The following LRRTM4 variants were observed in gnomAD, a reference collection of about 807,000 sequenced individuals.
LRRTM4 encodes the protein leucine rich repeat transmembrane neuronal 4, also known as leucine-rich repeat transmembrane neuronal protein 4.
LRRTM4 carries 25 observed loss-of-function variants against 47.6 expected under a neutral mutation model. The ratio of observed to expected loss-of-function variants is 0.53; its 90% CI spans 0.38 to 0.73. The LOEUF (loss-of-function observed/expected upper bound fraction) is 0.73, where lower values mean the gene tolerates loss of function less well. Among genes scored for constraint, LRRTM4 ranks in the 30% least tolerant of loss-of-function variants. LRRTM4 has a pLI of 0.00. For synonymous variants in LRRTM4, 311 were observed against 269.5 expected (o/e 1.15, Z -1.51); for missense variants, 638 against 713.4 (o/e 0.89, Z 1.20).
intron 3 of LRRTM4, among the ~76,000 whole-genome samples, chr2:77,479,238 C>T (rs1407208189): frequency 6.6e-6 from 1 of 151,978 alleles, no homozygotes; most frequent in Non-Finnish European, 1.5e-5. Context: ...GTTTCCTAAG[C>T]AATTTAGTTT....
chr2:77,175,423 G>GGCTT (rs1289390534), intron 3 of LRRTM4, among the ~76,000 whole-genome samples: 2 of 152,082 alleles, frequency 1.3e-5, no homozygotes, highest in African/African-American at 2.4e-5. Context: ...AATCCCTCTT[G>GGCTT]GCTTGGATAG....
rs566605557 is a variant in LRRTM4, at chr2:76,802,614, C to G, written c.1552-53698G>C. ...TCACATAATAGGAAACAGAATTGTA[C>G]AATTTATATGGAACCCTAGAAGATC... On this transcript the variant is annotated intron_variant, in intron 3 of 3. Coordinates refer to ENST00000409884, the MANE Select transcript of LRRTM4 (RefSeq NM_001134745.3). 6.6e-5 allele frequency among the ~76,000 whole-genome samples: 10 copies of G among 152,056 alleles called. No individual in the cohort carries two copies. In the East Asian group the frequency reaches 1.9e-3, roughly 29 times the overall value.
intron 3 of LRRTM4, among the ~76,000 whole-genome samples, chr2:76,795,000 A>T (rs1406854595): frequency 1.3e-5 from 2 of 152,212 alleles, no homozygotes; most frequent in Non-Finnish European, 2.9e-5. Context: ...AAAAGCTATA[A>T]AGAAAAATAT....
intron 3 of LRRTM4, among the ~76,000 whole-genome samples, chr2:76,999,864 C>T (rs1677350072): frequency 6.6e-6 from 1 of 152,110 alleles, no homozygotes; most frequent in Non-Finnish European, 1.5e-5. Context: ...ACTGCTTCAA[C>T]ACACCATTTT....
At chr2:76,891,295 TC>T (rs2103713684) in intron 3 of LRRTM4, among the ~76,000 whole-genome samples, 1 of 151,906 alleles carries the variant, frequency 6.6e-6, no homozygotes, top group South Asian at 2.1e-4. Context: ...AATCACCCGC[TC>T]CTCCTAAAAA....
At chr2:76,900,239 C>A (rs952297500) in intron 3 of LRRTM4, among the ~76,000 whole-genome samples, 9 of 151,862 alleles carry the variant, frequency 5.9e-5, no homozygotes, top group African/African-American at 1.9e-4. Flanking sequence ...GTCTCAAAAA[C>A]TAATTGAAAA....
chr2:77,214,023 C>T (rs1296495817), intron 3 of LRRTM4, among the ~76,000 whole-genome samples: 1 of 151,966 alleles, frequency 6.6e-6, no homozygotes, highest in African/African-American at 2.4e-5. Context: ...ATTAGGGACT[C>T]ACAGTTCTCC....
At chr2:76,948,979 CA>C (rs1675412726) in intron 3 of LRRTM4, among the ~76,000 whole-genome samples, 1 of 151,786 alleles carries the variant, frequency 6.6e-6, no homozygotes, top group Admixed American at 6.6e-5. Flanking sequence ...TATGTCTTTA[CA>C]AAAGCCATAT....
intron 3 of LRRTM4, among the ~76,000 whole-genome samples, chr2:77,265,208 CTTTA>C (rs1558660045): frequency 1.3e-5 from 2 of 152,024 alleles, no homozygotes; most frequent in South Asian, 2.1e-4. Context: ...ATTTTAACTA[CTTTA>C]TTTATCATAT....
chr2:77,466,495 TC>T (rs1359396237), intron 3 of LRRTM4, among the ~76,000 whole-genome samples: 4 of 152,196 alleles, frequency 2.6e-5, no homozygotes, highest in Non-Finnish European at 5.9e-5. Flanking sequence ...AACAATTTCA[TC>T]CATCTACTAG....
chr2:76,805,924 A>G (rs889747744), intron 3 of LRRTM4, among the ~76,000 whole-genome samples: 1 of 151,962 alleles, frequency 6.6e-6, no homozygotes, highest in East Asian at 1.9e-4. Flanking sequence ...ATCTTTCTCT[A>G]TCTCTGTTAT....
chr2:77,467,909 TTG>T (rs1253887033), intron 3 of LRRTM4, among the ~76,000 whole-genome samples: 1 of 152,198 alleles, frequency 6.6e-6, no homozygotes, highest in African/African-American at 2.4e-5. Context: ...ATTTATTGAT[TTG>T]TCTTTTTTCC....
intron 3 of LRRTM4, among the ~76,000 whole-genome samples, chr2:76,912,434 A>C (rs1238136857): frequency 6.6e-6 from 1 of 152,218 alleles, no homozygotes; most frequent in Non-Finnish European, 1.5e-5. Context: ...GTGCTTGGAT[A>C]AGTCTCATTA....
At chr2:77,073,439 T>C (rs1477107805) in intron 3 of LRRTM4, among the ~76,000 whole-genome samples, 2 of 152,038 alleles carry the variant, frequency 1.3e-5, no homozygotes. Context: ...AGGAATTATA[T>C]AGCATTTCCA....
At chr2:77,200,405 T>C (rs1673941202) in intron 3 of LRRTM4, among the ~76,000 whole-genome samples, 1 of 152,122 alleles carries the variant, frequency 6.6e-6, no homozygotes, top group Non-Finnish European at 1.5e-5. Flanking sequence ...TGTGTGCATA[T>C]ATATGGAGAT....
intron 3 of LRRTM4, among the ~76,000 whole-genome samples, chr2:76,807,467 T>TA (rs1301316505): frequency 1.1e-5 from 1 of 89,400 alleles, no homozygotes; most frequent in Non-Finnish European, 2.0e-5. Flanking sequence ...TACATATATA[T>TA]ATACATATAT....
intron 3 of LRRTM4, among the ~76,000 whole-genome samples, chr2:77,024,579 T>C (rs1678387283): frequency 6.6e-6 from 1 of 152,004 alleles, no homozygotes; most frequent in Non-Finnish European, 1.5e-5. Flanking sequence ...TTTTTGTTAC[T>C]AATGAATTGG....
chr2:77,301,008 T>A (rs1407773433), intron 3 of LRRTM4, among the ~76,000 whole-genome samples: 1 of 151,874 alleles, frequency 6.6e-6, no homozygotes, highest in East Asian at 1.9e-4. Context: ...TTTCTTTTCC[T>A]TTTTTTTAAA....
chr2:77,418,723 G>C (rs1224248829), intron 3 of LRRTM4, among the ~76,000 whole-genome samples: 2 of 152,092 alleles, frequency 1.3e-5, no homozygotes, highest in African/African-American at 4.8e-5. Flanking sequence ...ATTTGAACTT[G>C]TTGTTCTTCC....
Sources: allele counts gnomAD v4.1 joint callset (sites outside exome capture counted in the v4.1 genomes callset), GRCh38; gene constraint gnomAD v4.1.1; transcripts MANE v1.5; gene names NCBI Gene and HGNC (gene_info 2026-07-23, HGNC 2026-07-21).